PDE8B: variants seen among roughly 807,000 people sequenced by gnomAD.
The protein encoded by PDE8B is high affinity cAMP-specific and IBMX-insensitive 3',5'-cyclic phosphodiesterase 8B.
A neutral mutation model predicts 101.3 loss-of-function variants in PDE8B; 26 were observed. The observed-to-expected ratio is 0.26, with a 90% CI of 0.19 to 0.36. The LOEUF (loss-of-function observed/expected upper bound fraction) is 0.36. Among genes scored for constraint, PDE8B ranks in the 10% least tolerant of loss-of-function variants. PDE8B has a pLI of 1.00. For missense variants in PDE8B, 810 were observed against 1,163.1 expected, an observed-to-expected ratio of 0.70 and a Z score of 4.42; for synonymous variants, 424 against 429.3, an observed-to-expected ratio of 0.99 and a Z score of 0.15.
the PDE8B span, among the ~76,000 whole-genome samples, chr5:77,165,654 C>T: frequency 6.6e-6 from 1 of 152,138 alleles, no homozygotes; most frequent in African/African-American, 2.4e-5. Flanking sequence ...AAACCATATC[C>T]ATGTAGCAGA....
the PDE8B span, among the ~76,000 whole-genome samples, chr5:77,132,163 A>G: frequency 6.6e-6 from 1 of 152,236 alleles, no homozygotes; most frequent in African/African-American, 2.4e-5. Flanking sequence ...TTATCAGAGT[A>G]ATATATGTAC....
the PDE8B span, chr5:77,151,409 T>C: frequency 1.3e-5 from 2 of 152,236 alleles, no homozygotes; most frequent in Non-Finnish European, 2.9e-5. Flanking sequence ...CAGGGATTTT[T>C]ATACAACTGA....
the PDE8B span, among the ~76,000 whole-genome samples, chr5:77,196,883 G>A: frequency 6.6e-6 from 1 of 152,056 alleles, no homozygotes; most frequent in Non-Finnish European, 1.5e-5. Context: ...GGGAAATCTA[G>A]ATTTTAAAAT....
At chr5:77,118,677 A>G in the PDE8B span, 1 of 296,324 alleles carries the variant, frequency 3.4e-6, no homozygotes, top group Non-Finnish European at 6.1e-6. Context: ...TTCATGGGAA[A>G]GGATATAAAA....
At chr5:77,189,033 CT>C in the PDE8B span, among the ~76,000 whole-genome samples, 3 of 152,294 alleles carry the variant, frequency 2.0e-5, no homozygotes, top group African/African-American at 7.2e-5. Context: ...GCCCTTCCCT[CT>C]GCCTTTCTAG....
At chr5:77,256,744 T>C (rs529561805) in intron 1 of PDE8B, among the ~76,000 whole-genome samples, 82 of 152,340 alleles carry the variant, frequency 5.4e-4, no homozygotes, top group Non-Finnish European at 9.4e-4. Context: ...TGCAAAGTTA[T>C]TTATAATATA....
the PDE8B span, among the ~76,000 whole-genome samples, chr5:77,178,920 C>G: frequency 1.3e-5 from 2 of 152,258 alleles, no homozygotes; most frequent in African/African-American, 4.8e-5. Context: ...CATGTTTTAT[C>G]AAAGCCAGCA....
chr5:77,339,192 T>C (rs1778738255), intron 6 of PDE8B, among the ~76,000 whole-genome samples: 1 of 152,192 alleles, frequency 6.6e-6, no homozygotes, highest in African/African-American at 2.4e-5. Flanking sequence ...ATTATGTAAG[T>C]ACTATACTTC....
intron 1 of PDE8B, among the ~76,000 whole-genome samples, chr5:77,241,429 C>A (rs1483619539): frequency 2.6e-5 from 4 of 152,282 alleles, no homozygotes; most frequent in African/African-American, 9.6e-5. Context: ...CAGGCATAAT[C>A]ATTTTACTTA....
At chr5:77,338,219 A>T (rs1012686449) in intron 6 of PDE8B, among the ~76,000 whole-genome samples, 11 of 152,220 alleles carry the variant, frequency 7.2e-5, no homozygotes, top group African/African-American at 2.7e-4. Flanking sequence ...TAGTAATTAT[A>T]TGCCTTATCT....
intron 10 of PDE8B, among the ~76,000 whole-genome samples, chr5:77,379,992 G>A (rs1048425467): frequency 2.0e-5 from 3 of 152,204 alleles, no homozygotes; most frequent in Admixed American, 2.0e-4. Context: ...CTGTCGTGAA[G>A]TTGCAGATCA....
At chr5:77,338,999 C>T (rs577054890) in intron 6 of PDE8B, among the ~76,000 whole-genome samples, 1 of 152,266 alleles carries the variant, frequency 6.6e-6, no homozygotes, top group South Asian at 2.1e-4. Context: ...ATGTTAGGGG[C>T]ACCTTGTCCA....
chr5:77,327,359 A>G (rs542981784), intron 3 of PDE8B, among the ~76,000 whole-genome samples: 1 of 152,292 alleles, frequency 6.6e-6, no homozygotes, highest in Admixed American at 6.5e-5. Context: ...GAGAAAAGAG[A>G]CAGCAGCAGG....
At chr5:77,187,038 A>C in the PDE8B span, among the ~76,000 whole-genome samples, 1 of 152,206 alleles carries the variant, frequency 6.6e-6, no homozygotes, top group South Asian at 2.1e-4. Flanking sequence ...AGTGGTTGTA[A>C]TGGATTTGTC....
intron 1 of PDE8B, among the ~76,000 whole-genome samples, chr5:77,287,514 A>G (rs1225814624): frequency 6.6e-6 from 1 of 151,700 alleles, no homozygotes; most frequent in Non-Finnish European, 1.5e-5. Flanking sequence ...CAATATTGGA[A>G]TATTCTCCAC....
At chr5:77,253,316 A>G (rs1405080472) in intron 1 of PDE8B, among the ~76,000 whole-genome samples, 1 of 152,182 alleles carries the variant, frequency 6.6e-6, no homozygotes, top group Admixed American at 6.5e-5. Flanking sequence ...ACACCTAATG[A>G]TTAATGTAAA....
At chr5:77,365,647 G>A (rs1451505239) in intron 10 of PDE8B, among the ~76,000 whole-genome samples, 1 of 152,224 alleles carries the variant, frequency 6.6e-6, no homozygotes, top group African/African-American at 2.4e-5. Context: ...TGAGAGACAG[G>A]GGCCTGTGTG....
intron 10 of PDE8B, among the ~76,000 whole-genome samples, chr5:77,395,262 A>C (rs13179037): frequency 5.6e-5 from 8 of 141,758 alleles, no homozygotes; most frequent in Admixed American, 4.9e-4. Context: ...GACTACAGGC[A>C]CCCGCCACCA....
At chr5:77,148,218 C>T in the PDE8B span, 1 of 152,106 alleles carries the variant, frequency 6.6e-6, no homozygotes, top group African/African-American at 2.4e-5. Flanking sequence ...AAAAGTTCAC[C>T]CTGGCTGCTG....
Sources: allele counts gnomAD v4.1 joint callset (sites outside exome capture counted in the v4.1 genomes callset), GRCh38; gene constraint gnomAD v4.1.1; transcripts MANE v1.5; gene names NCBI Gene and HGNC (gene_info 2026-07-23, HGNC 2026-07-21).